Variants in PLXNA4 observed in about 807,000 individuals in gnomAD.
PLXNA4 encodes plexin-A4.
PLXNA4 carries 44 observed loss-of-function variants against 191.8 expected under a neutral mutation model. The ratio of observed to expected loss-of-function variants is 0.23; its 90% CI spans 0.18 to 0.29. The LOEUF (loss-of-function observed/expected upper bound fraction) is 0.29. PLXNA4 is among the 10% of genes least tolerant of loss of function. The pLI, the probability that PLXNA4 is intolerant of heterozygous loss-of-function variation, is 1.00. For synonymous variants in PLXNA4, 1,082 were observed against 1,009.5 expected (o/e 1.07, Z -1.36); for missense variants, 1,800 against 2,488.8 (o/e 0.72, Z 5.89).
At chr7:132,387,949 G>A (rs751418432) in intron 3 of PLXNA4, among the ~76,000 whole-genome samples, 29 of 151,978 alleles carry the variant, frequency 1.9e-4, no homozygotes, top group Non-Finnish European at 3.1e-4. Flanking sequence ...GAAGCTCCCC[G>A]GGGTCTCTTT....
At chr7:132,155,888 G>A (rs564579489) in intron 25 of PLXNA4, among the ~76,000 whole-genome samples, 4 of 152,146 alleles carry the variant, frequency 2.6e-5, no homozygotes, top group Non-Finnish European at 5.9e-5. Flanking sequence ...GAATAAAGCA[G>A]ATTTCTCTCC....
chr7:132,256,878 A>G (rs1393310609), intron 4 of PLXNA4, among the ~76,000 whole-genome samples: 1 of 152,158 alleles, frequency 6.6e-6, no homozygotes, highest in East Asian at 1.9e-4. Flanking sequence ...CTATGGGGGC[A>G]CAGGGACAGG....
intron 2 of PLXNA4, among the ~76,000 whole-genome samples, chr7:132,619,692 G>C (rs1390489985): frequency 3.9e-5 from 6 of 152,262 alleles, no homozygotes; most frequent in African/African-American, 1.4e-4. Flanking sequence ...GCAAAGATGT[G>C]TGATCAACTA....
rs758102610 is a variant in PLXNA4 at position 132,198,555 on chromosome 7, T to C, written c.2668A>G (p.Ile890Val). The C allele has an allele frequency of 6.2e-7, 1 of 1,614,238 alleles. No homozygotes were observed. Among genetic ancestry groups the C allele is most frequent in the Non-Finnish European group, 8.5e-7 (1 of 1,180,050 alleles). ...GENLGLEFRD[I>V]ASHVKVAGVE... is the part of the protein sequence containing the mutation. ...CCAGCAACCTTGACATGGGAGGCGA[T>C]GTCGCGAAATTCCAGGCCCAGGTTC... The change falls in exon 13 of 32, where the codon ATC (isoleucine) becomes GTC (valine). Residue 890 changes from isoleucine (I) to valine (V), a missense_variant. Ile to Val is a conservative substitution (Grantham distance 29, BLOSUM62 3). This residue lies in a region of PLXNA4 where 1,397 missense variants were observed against 1,880.4 expected (regional missense o/e 0.74). Coordinates refer to ENST00000321063, the MANE Select transcript of PLXNA4 (RefSeq NM_020911.2).
At chr7:132,486,794 G>C (rs527582578) in intron 3 of PLXNA4, among the ~76,000 whole-genome samples, 1 of 152,368 alleles carries the variant, frequency 6.6e-6, no homozygotes, top group East Asian at 1.9e-4. Context: ...GCCTCTTGGT[G>C]GGGTATTGCC....
intron 3 of PLXNA4, among the ~76,000 whole-genome samples, chr7:132,379,118 T>C (rs1030824752): frequency 6.6e-6 from 1 of 152,214 alleles, no homozygotes; most frequent in Non-Finnish European, 1.5e-5. Flanking sequence ...CCCAAAGTGC[T>C]GGGATTACAG....
intron 3 of PLXNA4, among the ~76,000 whole-genome samples, chr7:132,444,171 A>G (rs1470424801): frequency 6.6e-6 from 1 of 152,268 alleles, no homozygotes. Context: ...CCTGTCCTTC[A>G]AATTTGGAAA....
At chr7:132,388,040 C>A (rs1320293892) in intron 3 of PLXNA4, among the ~76,000 whole-genome samples, 1 of 152,120 alleles carries the variant, frequency 6.6e-6, no homozygotes, top group Non-Finnish European at 1.5e-5. Context: ...CGACCAGCAG[C>A]CCAGATCTTA....
At chr7:132,646,327 C>T (rs550995115) in intron 1 of PLXNA4, among the ~76,000 whole-genome samples, 9 of 152,176 alleles carry the variant, frequency 5.9e-5, no homozygotes, top group Non-Finnish European at 1.3e-4. Context: ...CCACTCAGAA[C>T]ACCTGGGCTC....
intron 4 of PLXNA4, among the ~76,000 whole-genome samples, chr7:132,258,203 T>C (rs1451724052): frequency 6.6e-6 from 1 of 152,000 alleles, no homozygotes; most frequent in African/African-American, 2.4e-5. Flanking sequence ...CTTCAAGGAG[T>C]GAAGGGAATC....
chr7:132,161,694 C>T (rs1488485495), intron 24 of PLXNA4, among the ~76,000 whole-genome samples: 1 of 151,736 alleles, frequency 6.6e-6, no homozygotes, highest in African/African-American at 2.4e-5. Context: ...GGGCACCTAG[C>T]ACCCTGGCAG....
intron 3 of PLXNA4, among the ~76,000 whole-genome samples, chr7:132,301,396 A>T (rs2116520242): frequency 6.6e-6 from 1 of 152,314 alleles, no homozygotes; most frequent in South Asian, 2.1e-4. Flanking sequence ...TGGGACAATG[A>T]TAGGCATTTT....
Position 132,483,934 on chromosome 7 carries a change from C to G in PLXNA4, c.1371+5358G>C, listed in dbSNP as rs562111132. The stretch of plus-strand genomic sequence containing the variant: ...AAATTTCACGATGAGAACACCTCCC[C>G]GGGTTTATTCAGGTCAGCAAGGAGG... On this transcript the variant is annotated intron_variant, in intron 3 of 31. Coordinates refer to ENST00000321063, the MANE Select transcript of PLXNA4 (RefSeq NM_020911.2). Among the ~76,000 whole-genome samples, 4 of 152,246 alleles carry G rather than the reference C, an allele frequency of 2.6e-5. No individual in the cohort carries two copies. In the South Asian group the frequency reaches 6.2e-4, roughly 24 times the overall value.
intron 28 of PLXNA4, among the ~76,000 whole-genome samples, chr7:132,145,719 T>TGAAAGA (rs1799387077): frequency 6.6e-6 from 1 of 151,898 alleles, no homozygotes; most frequent in African/African-American, 2.4e-5. Context: ...CTGAGCCCAG[T>TGAAAGA]CTCAGGAGTG....
chr7:132,185,260 G>A (rs746319706), intron 16 of PLXNA4, 39 bp downstream of exon 16: 4 of 1,572,518 alleles, frequency 2.5e-6, no homozygotes, highest in Non-Finnish European at 3.5e-6. Context: ...GGGAAACAGA[G>A]GTGCAGAAGC....
intron 21 of PLXNA4, among the ~76,000 whole-genome samples, chr7:132,170,646 C>T (rs1796257980): frequency 6.6e-6 from 1 of 152,214 alleles, no homozygotes; most frequent in Non-Finnish European, 1.5e-5. Context: ...AGATCCAGGC[C>T]CTGTCCTGAG....
chr7:132,568,652 C>A (rs2116740812), intron 1 of PLXNA4, among the ~76,000 whole-genome samples: 1 of 152,294 alleles, frequency 6.6e-6, no homozygotes, highest in Non-Finnish European at 1.5e-5. Flanking sequence ...GGAGCAGCTT[C>A]TTCACCATTA....
intron 12 of PLXNA4, 72 bp downstream of exon 12, chr7:132,202,574 G>T: frequency 1.5e-6 from 2 of 1,361,856 alleles, no homozygotes. Flanking sequence ...CGGCTGGGCA[G>T]AGTTTCCACA....
chr7:132,243,018 C>T (rs149232556), intron 4 of PLXNA4, among the ~76,000 whole-genome samples: 1,578 of 152,288 alleles, frequency 0.01, 14 homozygotes, highest in Non-Finnish European at 0.014. Context: ...GAGGTCCACA[C>T]GCTATTTTCA....
Sources: gnomAD v4.1 joint callset for allele counts (sites outside exome capture counted in the v4.1 genomes callset) on GRCh38, gnomAD v4.1.1 for gene constraint, gnomAD v4.1.1 regional missense constraint, MANE v1.5 for transcripts, NCBI Gene and HGNC (gene_info 2026-07-23, HGNC 2026-07-21) for gene names.